Variants in NREP observed in about 807,000 individuals in gnomAD.
The protein encoded by NREP is neuronal regeneration-related protein.
In NREP, 5 loss-of-function variants were observed where a neutral mutation model predicts 8.6. The ratio of observed to expected loss-of-function variants is 0.58; its 90% CI spans 0.30 to 1.22. NREP has a LOEUF of 1.22. Among genes scored for constraint, NREP ranks in the 50% most tolerant of loss-of-function variants. The pLI is 0.07. For missense variants in NREP, 86 were observed against 82.5 expected, an observed-to-expected ratio of 1.04 and a Z score of -0.17; for synonymous variants, 27 against 28.0, an observed-to-expected ratio of 0.96 and a Z score of 0.11.
intron 2 of NREP, among the ~76,000 whole-genome samples, chr5:111,891,603 T>A (rs775278544): frequency 6.6e-6 from 1 of 152,174 alleles, no homozygotes; most frequent in Non-Finnish European, 1.5e-5. Context: ...TAAGAAAAGA[T>A]GTTTAATTGG....
intron 2 of NREP, among the ~76,000 whole-genome samples, chr5:111,942,603 G>A (rs1755859213): frequency 6.6e-6 from 1 of 151,564 alleles, no homozygotes; most frequent in Non-Finnish European, 1.5e-5. Flanking sequence ...TGATATAGAA[G>A]TTGATATTCT....
At chr5:111,873,258 C>T (rs1254306020) in intron 2 of NREP, among the ~76,000 whole-genome samples, 1 of 152,094 alleles carries the variant, frequency 6.6e-6, no homozygotes, top group Non-Finnish European at 1.5e-5. Context: ...AGAAAGGACA[C>T]AGAGAAGAAG....
In NREP at chr5:111,858,136, A is replaced by AT. The variant is rs543402544; in HGVS notation, c.135+117137dup. On this transcript the variant is annotated intron_variant, in intron 2 of 3. Coordinates refer to the NREP transcript ENST00000395634. Reference sequence around the variant, plus strand: ...TGCCGGGAACTTGATAGAAATGCTCATTTTTATGTATTACACCAGACCTAC... The same window carrying AT: ...TGCCGGGAACTTGATAGAAATGCTCATTTTTTATGTATTACACCAGACCTAC... Among the ~76,000 whole-genome samples, 4 of 152,212 alleles carry AT rather than the reference A, an allele frequency of 2.6e-5. No individual in the cohort carries two copies. In the South Asian group the frequency reaches 8.3e-4, roughly 32 times the overall value.
intron 2 of NREP, among the ~76,000 whole-genome samples, chr5:111,755,008 T>C (rs1469301841): frequency 1.3e-5 from 2 of 152,208 alleles, no homozygotes; most frequent in Non-Finnish European, 2.9e-5. Context: ...AAAAGTTTTA[T>C]GATATTTCTA....
chr5:111,976,863 T>C, exon 1 of NREP: 1 of 694,896 alleles, frequency 1.4e-6, no homozygotes, highest in South Asian at 1.9e-5. Context: ...CCAATGTTTC[T>C]TTTGATAAAT....
chr5:111,869,769 C>T (rs1475699879), intron 2 of NREP, among the ~76,000 whole-genome samples: 1 of 152,054 alleles, frequency 6.6e-6, no homozygotes, highest in African/African-American at 2.4e-5. Context: ...ACAACAGAAG[C>T]AGGGAGCAAG....
intron 2 of NREP, among the ~76,000 whole-genome samples, chr5:111,819,551 CA>C (rs1752470170): frequency 6.6e-6 from 1 of 152,186 alleles, no homozygotes; most frequent in Non-Finnish European, 1.5e-5. Flanking sequence ...TTGCTTCTAA[CA>C]TATTCTATGA....
At chr5:111,811,453 C>G (rs1752267333) in intron 2 of NREP, among the ~76,000 whole-genome samples, 1 of 152,158 alleles carries the variant, frequency 6.6e-6, no homozygotes, top group Non-Finnish European at 1.5e-5. Flanking sequence ...CGGGTCCCAC[C>G]TCTTTCAACG....
intron 2 of NREP, among the ~76,000 whole-genome samples, chr5:111,934,659 T>A (rs898249814): frequency 6.6e-6 from 1 of 152,088 alleles, no homozygotes; most frequent in Non-Finnish European, 1.5e-5. Flanking sequence ...CGCAGTTCCA[T>A]GTGGGGAATC....
intron 2 of NREP, among the ~76,000 whole-genome samples, chr5:111,811,219 G>A (rs1752262123): frequency 6.6e-6 from 1 of 151,976 alleles, no homozygotes; most frequent in Non-Finnish European, 1.5e-5. Flanking sequence ...CCTTTCTACT[G>A]TTCTGCAAGA....
chr5:111,906,445 A>G (rs1196457865), intron 2 of NREP, among the ~76,000 whole-genome samples: 1 of 152,142 alleles, frequency 6.6e-6, no homozygotes, highest in Non-Finnish European at 1.5e-5. Flanking sequence ...AATTTTAAGA[A>G]TACAGACTGA....
intron 2 of NREP, among the ~76,000 whole-genome samples, chr5:111,805,413 A>C (rs1179125729): frequency 1.3e-5 from 2 of 152,204 alleles, no homozygotes; most frequent in Non-Finnish European, 2.9e-5. Flanking sequence ...AAACAACCTA[A>C]ATGCCCGTAT....
intron 2 of NREP, among the ~76,000 whole-genome samples, chr5:111,948,317 G>A (rs1430291752): frequency 2.0e-5 from 3 of 152,120 alleles, no homozygotes; most frequent in African/African-American, 7.2e-5. Context: ...AGACTGCAGT[G>A]TGCTGGATAA....
At chr5:111,783,586 T>C (rs1002747940) in intron 2 of NREP, among the ~76,000 whole-genome samples, 1 of 152,224 alleles carries the variant, frequency 6.6e-6, no homozygotes, top group South Asian at 2.1e-4. Flanking sequence ...CATTTTGTTC[T>C]GTTTTATTGA....
chr5:111,867,410 C>T (rs778778583), intron 2 of NREP, among the ~76,000 whole-genome samples: 7 of 152,140 alleles, frequency 4.6e-5, no homozygotes, highest in East Asian at 1.9e-4. Flanking sequence ...CTTCCTTGCA[C>T]GTGCTCACTT....
upstream of NREP, chr5:111,757,360 A>C: frequency 1.1e-6 from 1 of 912,908 alleles, no homozygotes; most frequent in Non-Finnish European, 1.3e-6. Flanking sequence ...AAAAAGGAGG[A>C]GGAGATCATC....
rs546198360 is a variant in NREP, at chr5:111,907,211, T to C, written c.135+68063A>G. On this transcript the variant is annotated intron_variant, in intron 2 of 3. Coordinates refer to the NREP transcript ENST00000395634. ...TAATTTTATGAAGTCTGGCATCAAT[T>C]TTTTCTTACATAGATTATGTCTTTG... Among the ~76,000 whole-genome samples the C allele has an allele frequency of 1.8e-4, 28 of 152,238 alleles. 1 individual carries two copies. The South Asian group carries it at 5.8e-3, about 32-fold the overall frequency.
At chr5:111,749,554 A>G (rs1263490025) in intron 2 of NREP, among the ~76,000 whole-genome samples, 1 of 152,210 alleles carries the variant, frequency 6.6e-6, no homozygotes, top group African/African-American at 2.4e-5. Flanking sequence ...CTCAAATTGT[A>G]AACAATTTTA....
At chr5:111,784,972 G>A (rs1208330509) in intron 2 of NREP, among the ~76,000 whole-genome samples, 1 of 152,144 alleles carries the variant, frequency 6.6e-6, no homozygotes, top group Non-Finnish European at 1.5e-5. Context: ...GAAGGCTTAT[G>A]TTCCCAGGGC....
Sources: gnomAD v4.1 joint callset for allele counts (sites outside exome capture counted in the v4.1 genomes callset) on GRCh38, gnomAD v4.1.1 for gene constraint, MANE v1.5 for transcripts, NCBI Gene and HGNC (gene_info 2026-07-23, HGNC 2026-07-21) for gene names.